The following MAP3K13 variants were observed in gnomAD, a reference collection of about 807,000 sequenced individuals.
MAP3K13 encodes mitogen-activated protein kinase kinase kinase 13, also known as leucine zipper-bearing kinase.
MAP3K13 carries 52 observed loss-of-function variants against 104.0 expected under a neutral mutation model. The observed-to-expected ratio is 0.50, with a 90% CI of 0.40 to 0.63. The LOEUF (loss-of-function observed/expected upper bound fraction) is 0.63. Ranked by LOEUF, MAP3K13 falls within the 20% of genes least tolerant of loss-of-function variation. MAP3K13 has a pLI of 0.00. For missense variants in MAP3K13, 914 were observed against 1,218.5 expected (o/e 0.75, Z 3.72); for synonymous variants, 394 against 442.2 (o/e 0.89, Z 1.37).
chr3:185,291,725 C>T (rs938981452), intron 2 of MAP3K13: 2 of 1,514,366 alleles, frequency 1.3e-6, no homozygotes, highest in Non-Finnish European at 1.8e-6. Context: ...CAAGTCTCAT[C>T]TGCATTAAAG....
chr3:185,295,110 A>G (rs1469891824), intron 2 of MAP3K13, among the ~76,000 whole-genome samples: 1 of 152,140 alleles, frequency 6.6e-6, no homozygotes, highest in African/African-American at 2.4e-5. Context: ...ATCTTCAATC[A>G]TTCTTTGTCT....
At chr3:185,308,676 C>G (rs1041743618) in intron 2 of MAP3K13, among the ~76,000 whole-genome samples, 2 of 152,212 alleles carry the variant, frequency 1.3e-5, no homozygotes, top group African/African-American at 4.8e-5. Flanking sequence ...TGTTCCACAT[C>G]AAGCTGGACA....
At chr3:185,348,441 G>A (rs1275819582) in intron 2 of MAP3K13, among the ~76,000 whole-genome samples, 3 of 152,086 alleles carry the variant, frequency 2.0e-5, no homozygotes, top group Non-Finnish European at 4.4e-5. Flanking sequence ...TACATCTCTC[G>A]AGTATTTATA....
chr3:185,446,180 G>A (rs1715580673), intron 4 of MAP3K13, among the ~76,000 whole-genome samples: 1 of 152,138 alleles, frequency 6.6e-6, no homozygotes. Flanking sequence ...AAATGGAGAA[G>A]CAAGGGGATA....
At chr3:185,362,539 A>T (rs1316926932), upstream of MAP3K13, among the ~76,000 whole-genome samples, 1 of 152,178 alleles carries the variant, frequency 6.6e-6, no homozygotes, top group Non-Finnish European at 1.5e-5. Flanking sequence ...GGTCAGCAAG[A>T]TGTTACTGCT....
At chr3:185,402,823 G>A (rs1244992355) in intron 1 of MAP3K13, among the ~76,000 whole-genome samples, 1 of 152,136 alleles carries the variant, frequency 6.6e-6, no homozygotes, top group Non-Finnish European at 1.5e-5. Flanking sequence ...CTCCAGCTGG[G>A]CAATGTGCCT....
At chr3:185,316,330 CAA>C (rs926061235) in intron 2 of MAP3K13, among the ~76,000 whole-genome samples, 7 of 152,084 alleles carry the variant, frequency 4.6e-5, no homozygotes, top group African/African-American at 1.7e-4. Context: ...TATTAATATC[CAA>C]AATAGCATCA....
In MAP3K13 at chr3:185,378,837, G is replaced by C. The variant is rs991728486; in HGVS notation, c.-86+15469G>C. 8.5e-5 allele frequency among the ~76,000 whole-genome samples: 13 copies of C among 152,278 alleles called. 1 individual carries two copies. The highest frequency in any genetic ancestry group is 2.4e-4 in the African/African-American group (10 of 41,554). ...TGACAAAAATTATCTAGGTCTTGTAGGATGGAGAAATCAAAAGTGCCATTT... is the reference window on the plus strand; with the variant it reads ...TGACAAAAATTATCTAGGTCTTGTACGATGGAGAAATCAAAAGTGCCATTT... On this transcript the variant is annotated intron_variant, in intron 1 of 13. Transcript: ENST00000265026.
intron 2 of MAP3K13, among the ~76,000 whole-genome samples, chr3:185,330,216 C>CAAAT (rs1393228696): frequency 6.6e-6 from 1 of 152,008 alleles, no homozygotes; most frequent in Non-Finnish European, 1.5e-5. Flanking sequence ...AGTAGCCTTT[C>CAAAT]AAATCACTGG....
chr3:185,287,536 T>G (rs1367475295), intron 2 of MAP3K13, among the ~76,000 whole-genome samples: 1 of 152,182 alleles, frequency 6.6e-6, no homozygotes, highest in African/African-American at 2.4e-5. Context: ...CTTCCCACAC[T>G]TTTATTGTAG....
chr3:185,409,006 C>A (rs1238617388), intron 1 of MAP3K13, among the ~76,000 whole-genome samples: 1 of 152,106 alleles, frequency 6.6e-6, no homozygotes, highest in Non-Finnish European at 1.5e-5. Flanking sequence ...AAAAGGTGGA[C>A]TAGAGTTGGA....
chr3:185,469,506 G>T (rs1406131780), intron 10 of MAP3K13, among the ~76,000 whole-genome samples: 1 of 152,204 alleles, frequency 6.6e-6, no homozygotes. Flanking sequence ...TTGGCCAGCT[G>T]ACCACAGAAT....
intron 2 of MAP3K13, chr3:185,328,912 A>G (rs1377572593): frequency 3.4e-6 from 1 of 297,046 alleles, no homozygotes; most frequent in Non-Finnish European, 6.4e-6. Context: ...TCTGTGAGGA[A>G]ACTGGCGGCT....
At chr3:185,299,395 C>T (rs1445208950) in intron 2 of MAP3K13, among the ~76,000 whole-genome samples, 1 of 152,240 alleles carries the variant, frequency 6.6e-6, no homozygotes, top group Non-Finnish European at 1.5e-5. Flanking sequence ...AAGGAGCCTG[C>T]ACTCACTTGC....
Position 185,455,670 on chromosome 3 carries a change from T to TATATATGAGATATATATATG in MAP3K13, c.1278+4281_1278+4282insGAGATATATATATGATATAT, listed in dbSNP as rs1560120266. On this transcript the variant is annotated intron_variant, in intron 7 of 13. Coordinates refer to ENST00000265026, the MANE Select transcript of MAP3K13 (RefSeq NM_004721.5). ...AGATATATATATGATATATATATGA[T>TATATATGAGATATATATATG]ATATATATGAGATATATATATGATA... is the stretch of plus-strand genomic sequence containing the variant. Among the ~76,000 whole-genome samples the TATATATGAGATATATATATG allele has an allele frequency of 7.7e-3, 179 of 23,240 alleles. 62 individuals carry two copies. Among genetic ancestry groups the TATATATGAGATATATATATG allele is most frequent in the East Asian group, 0.017 (19 of 1,088 alleles). The allele number at this position is 23,240 out of a possible 152,430, so 15.2% of individuals were successfully genotyped here. A position where few individuals can be genotyped will look rare whatever the true frequency, so the allele number is the denominator to read the frequency against.
intron 2 of MAP3K13, among the ~76,000 whole-genome samples, chr3:185,434,067 T>C (rs1331490003): frequency 1.3e-5 from 2 of 152,130 alleles, no homozygotes; most frequent in African/African-American, 2.4e-5. Context: ...AAATGAACTA[T>C]AGATAACTTT....
At chr3:185,345,979 A>G (rs1356575022) in intron 2 of MAP3K13, among the ~76,000 whole-genome samples, 1 of 152,076 alleles carries the variant, frequency 6.6e-6, no homozygotes, top group Non-Finnish European at 1.5e-5. Context: ...AAATTGTAAC[A>G]AGTTTTGTTT....
chr3:185,365,971 T>C (rs926555176), intron 1 of MAP3K13, among the ~76,000 whole-genome samples: 7 of 123,070 alleles, frequency 5.7e-5, no homozygotes, highest in Admixed American at 3.4e-4. Context: ...CTTCCTTTCT[T>C]TTCTCTTTTC....
At chr3:185,308,639 G>T (rs539128477) in intron 2 of MAP3K13, among the ~76,000 whole-genome samples, 88 of 152,268 alleles carry the variant, frequency 5.8e-4, no homozygotes, top group Non-Finnish European at 1.1e-3. Flanking sequence ...TGGACCCCAA[G>T]CATCCAAAGT....
Sources: gnomAD v4.1 joint callset for allele counts (sites outside exome capture counted in the v4.1 genomes callset) on GRCh38, gnomAD v4.1.1 for gene constraint, MANE v1.5 for transcripts, NCBI Gene and HGNC (gene_info 2026-07-23, HGNC 2026-07-21) for gene names.